The following PTPRT variants were observed in gnomAD, a reference collection of about 807,000 sequenced individuals.
The protein encoded by PTPRT is protein tyrosine phosphatase receptor type T, also known as receptor-type tyrosine-protein phosphatase T.
In PTPRT, 56 loss-of-function variants were observed where a neutral mutation model predicts 176.8. That is an observed-to-expected ratio of 0.32 (90% CI 0.26 to 0.40). The LOEUF is 0.40. PTPRT is among the 10% of genes least tolerant of loss of function. The pLI is 1.00. For missense variants in PTPRT, 1,540 were observed against 1,908.2 expected, an observed-to-expected ratio of 0.81 and a Z score of 3.60; for synonymous variants, 783 against 739.0, an observed-to-expected ratio of 1.06 and a Z score of -0.96.
At chr20:42,962,336 T>C (rs1181392110) in intron 1 of PTPRT, among the ~76,000 whole-genome samples, 2 of 152,182 alleles carry the variant, frequency 1.3e-5, no homozygotes, top group Non-Finnish European at 2.9e-5. Flanking sequence ...GTAAGCCTGT[T>C]GTTACAGGTA....
At chr20:42,993,061 T>C (rs1210506276) in intron 1 of PTPRT, among the ~76,000 whole-genome samples, 1 of 152,016 alleles carries the variant, frequency 6.6e-6, no homozygotes, top group Non-Finnish European at 1.5e-5. Flanking sequence ...AGTCATGAGT[T>C]TCAAGGGGAA....
chr20:42,781,172 T>A (rs973983331), intron 3 of PTPRT, among the ~76,000 whole-genome samples: 1 of 149,408 alleles, frequency 6.7e-6, no homozygotes, highest in Non-Finnish European at 1.5e-5. Context: ...ATCCTTGGAT[T>A]ATTAATGCAG....
intron 7 of PTPRT, among the ~76,000 whole-genome samples, chr20:42,540,852 C>T (rs6016817): frequency 1 from 152,099 of 152,264 alleles, 75,968 homozygotes; most frequent in East Asian, 1. Flanking sequence ...GATATAACTT[C>T]ATCGGGAGGA....
At chr20:42,085,880 G>A (rs781659044) in intron 27 of PTPRT, 27 bp from the exon 28 acceptor site, 1 of 1,591,076 alleles carries the variant, frequency 6.3e-7, no homozygotes, top group Admixed American at 1.7e-5. Flanking sequence ...GGTCACAGAA[G>A]GAGCTCAAAG....
At chr20:43,040,531 C>T (rs547557491) in intron 1 of PTPRT, among the ~76,000 whole-genome samples, 1 of 152,334 alleles carries the variant, frequency 6.6e-6, no homozygotes, top group East Asian at 1.9e-4. Context: ...TTATAAGGCA[C>T]TTTACCTGCA....
chr20:42,617,700 C>T (rs1175269837), intron 7 of PTPRT, among the ~76,000 whole-genome samples: 1 of 139,600 alleles, frequency 7.2e-6, no homozygotes, highest in Non-Finnish European at 1.5e-5. Flanking sequence ...TTATCCATTT[C>T]TTCTAGATTT....
At chr20:43,084,699 G>A (rs1417107515) in intron 1 of PTPRT, among the ~76,000 whole-genome samples, 1 of 151,806 alleles carries the variant, frequency 6.6e-6, no homozygotes, top group African/African-American at 2.4e-5. Context: ...CATTCTAGTG[G>A]GTGCACTTAC....
At chr20:43,168,764 T>C (rs2014920431) in intron 1 of PTPRT, among the ~76,000 whole-genome samples, 1 of 152,092 alleles carries the variant, frequency 6.6e-6, no homozygotes, top group Admixed American at 6.5e-5. Flanking sequence ...CTGTGCCCCT[T>C]TTTATGTATT....
chr20:42,041,399 G>T, the PTPRT span, among the ~76,000 whole-genome samples: 1 of 152,148 alleles, frequency 6.6e-6, no homozygotes, highest in South Asian at 2.1e-4. Context: ...GGGGGAGGTC[G>T]CAGGGAATAT....
At chr20:42,828,529 A>G (rs1000685427) in intron 2 of PTPRT, among the ~76,000 whole-genome samples, 9 of 152,192 alleles carry the variant, frequency 5.9e-5, no homozygotes, top group African/African-American at 9.7e-5. Context: ...AGGGCACGTG[A>G]AAGACCTTCA....
At chr20:43,171,335 C>T (rs983356580) in intron 1 of PTPRT, among the ~76,000 whole-genome samples, 4 of 151,958 alleles carry the variant, frequency 2.6e-5, no homozygotes, top group Admixed American at 1.3e-4. Context: ...AAGTGAGCCC[C>T]GACTATGTGT....
chr20:43,114,570 T>C (rs190354059), intron 1 of PTPRT, among the ~76,000 whole-genome samples: 7 of 152,198 alleles, frequency 4.6e-5, no homozygotes, highest in African/African-American at 1.7e-4. Flanking sequence ...ATAAAATACA[T>C]AGAGTTTGAG....
chr20:42,081,498 C>G (rs1983326659), intron 30 of PTPRT, among the ~76,000 whole-genome samples: 1 of 152,218 alleles, frequency 6.6e-6, no homozygotes, highest in African/African-American at 2.4e-5. Flanking sequence ...ATAGTACTCT[C>G]TACTATAAAT....
chr20:42,325,192 C>A (rs1002431329), intron 11 of PTPRT, among the ~76,000 whole-genome samples: 15 of 152,066 alleles, frequency 9.9e-5, no homozygotes, highest in Non-Finnish European at 1.9e-4. Context: ...CAGGGCAGTG[C>A]AAAGACTGAA....
At chr20:43,044,674 C>G (rs1474417206) in intron 1 of PTPRT, among the ~76,000 whole-genome samples, 1 of 152,182 alleles carries the variant, frequency 6.6e-6, no homozygotes, top group African/African-American at 2.4e-5. Context: ...TAGCACCTAC[C>G]TCAAAGCACT....
At chr20:42,456,556 T>G (rs1398564207) in intron 8 of PTPRT, among the ~76,000 whole-genome samples, 1 of 152,096 alleles carries the variant, frequency 6.6e-6, no homozygotes, top group East Asian at 1.9e-4. Flanking sequence ...ATATTTTGTT[T>G]TTTAAATCAT....
chr20:42,893,937 A>G lies in PTPRT; in HGVS notation c.89-8005T>C, dbSNP rs530376974. On this transcript the variant is annotated intron_variant, in intron 1 of 30. Transcript: ENST00000373187. ...AATGACGAGTTAATGGGTGCCACAC[A>G]CCTGCATGGCATATGTATACATATG... Among the ~76,000 whole-genome samples the G allele has an allele frequency of 1.4e-3, 219 of 152,078 alleles. 2 individuals are homozygous for G. The highest frequency in any genetic ancestry group is 5.2e-3 in the African/African-American group (214 of 41,456).
intron 9 of PTPRT, among the ~76,000 whole-genome samples, chr20:42,377,046 C>T (rs191420152): frequency 2.0e-5 from 3 of 152,256 alleles, no homozygotes; most frequent in African/African-American, 7.2e-5. Flanking sequence ...CTGTCAGATG[C>T]GTGTCTTTTG....
At chr20:42,274,112 C>T (rs1331447865) in intron 13 of PTPRT, among the ~76,000 whole-genome samples, 1 of 152,202 alleles carries the variant, frequency 6.6e-6, no homozygotes, top group African/African-American at 2.4e-5. Flanking sequence ...AGAGATGTCT[C>T]ATGTTTACCA....
Sources: gnomAD v4.1 joint callset for allele counts (sites outside exome capture counted in the v4.1 genomes callset) on GRCh38, gnomAD v4.1.1 for gene constraint, MANE v1.5 for transcripts, NCBI Gene and HGNC (gene_info 2026-07-23, HGNC 2026-07-21) for gene names.